The following CCDC73 variants were observed in gnomAD, a reference collection of about 807,000 sequenced individuals.
The protein encoded by CCDC73 is coiled-coil domain containing 73, also known as coiled-coil domain-containing protein 73.
Under a neutral mutation model 116.5 loss-of-function variants are expected in CCDC73, and 95 were observed. That is an observed-to-expected ratio of 0.82 (90% confidence interval 0.69 to 0.97). The LOEUF is 0.97. Among genes scored for constraint, CCDC73 ranks in the 50% least tolerant of loss-of-function variants. CCDC73 has a pLI of 0.00. For synonymous variants in CCDC73, 398 were observed against 401.3 expected (o/e 0.99, Z 0.10); for missense variants, 1,066 against 1,206.8 (o/e 0.88, Z 1.73).
intron 1 of CCDC73, among the ~76,000 whole-genome samples, chr11:32,778,286 G>A (rs1173233016): frequency 1.3e-5 from 2 of 152,140 alleles, no homozygotes; most frequent in Non-Finnish European, 2.9e-5. Context: ...AATTACTAAA[G>A]TGTGACAATC....
intron 3 of CCDC73, among the ~76,000 whole-genome samples, chr11:32,714,604 C>A (rs1242410384): frequency 6.6e-6 from 1 of 152,092 alleles, no homozygotes; most frequent in Non-Finnish European, 1.5e-5. Context: ...TCATGTCTCC[C>A]AGATGAACAG....
At chr11:32,815,010 G>A in the CCDC73 span, among the ~76,000 whole-genome samples, 1 of 152,194 alleles carries the variant, frequency 6.6e-6, no homozygotes, top group Non-Finnish European at 1.5e-5. Flanking sequence ...GATTAAAGTA[G>A]TTAATAGGGA....
intron 1 of CCDC73, among the ~76,000 whole-genome samples, chr11:32,763,715 C>T (rs11031969): frequency 0.27 from 41,207 of 152,196 alleles, 6,464 homozygotes; most frequent in East Asian, 0.79. Context: ...ACCTCTCCCC[C>T]TCCAACGGAA....
chr11:32,829,440 G>A, the CCDC73 span, among the ~76,000 whole-genome samples: 1 of 152,222 alleles, frequency 6.6e-6, no homozygotes. Context: ...CCCAGACCTG[G>A]CGGACCACCA....
chr11:32,718,210 C>A, intron 2 of CCDC73, 63 bp from the exon 3 acceptor site: 1 of 1,128,642 alleles, frequency 8.9e-7, no homozygotes, highest in Non-Finnish European at 1.3e-6. Flanking sequence ...CCAGTTTCAG[C>A]TCTTTCTGGA....
At chr11:32,671,488 G>C (rs546373585) in intron 9 of CCDC73, among the ~76,000 whole-genome samples, 1 of 151,564 alleles carries the variant, frequency 6.6e-6, no homozygotes, top group Admixed American at 6.6e-5. Flanking sequence ...AATAAAAATG[G>C]AAATTGTCTT....
chr11:32,794,957 C>G (rs1850711262), upstream of CCDC73, among the ~76,000 whole-genome samples: 2 of 151,602 alleles, frequency 1.3e-5, no homozygotes, highest in African/African-American at 2.4e-5. Context: ...CTCCACCTCC[C>G]AGGTTTATGC....
At position 32,725,277 on chromosome 11, in the gene CCDC73, A is replaced by C. The variant is rs115537837; in HGVS notation, c.136-7130T>G. On this transcript the variant is annotated intron_variant, in intron 2 of 17. Transcript: ENST00000335185. ...ACCATATTTCCATAATTTTTATTAT[A>C]GTATATTGCTATAATTGTTCTATTT... 7.1e-3 allele frequency among the ~76,000 whole-genome samples: 1,088 copies of C among 152,286 alleles called. 17 individuals carry two copies. The highest frequency in any genetic ancestry group is 0.025 in the African/African-American group (1,049 of 41,572).
At chr11:32,764,612 A>C (rs1436363450) in intron 1 of CCDC73, among the ~76,000 whole-genome samples, 2 of 152,224 alleles carry the variant, frequency 1.3e-5, no homozygotes, top group Admixed American at 6.5e-5. Flanking sequence ...TCCTGAACGA[A>C]GCACTAAACA....
intron 1 of CCDC73, among the ~76,000 whole-genome samples, chr11:32,781,394 C>T (rs1195116671): frequency 6.6e-6 from 1 of 152,180 alleles, no homozygotes; most frequent in East Asian, 1.9e-4. Context: ...ATCTTTATTG[C>T]ACCTGAGAAA....
intron 9 of CCDC73, among the ~76,000 whole-genome samples, chr11:32,661,396 A>AC (rs763730200): frequency 3.8e-4 from 58 of 151,724 alleles, no homozygotes; most frequent in Non-Finnish European, 7.8e-4. Flanking sequence ...GGTTTCCCGC[A>AC]CCCATTAACT....
intron 6 of CCDC73, among the ~76,000 whole-genome samples, chr11:32,685,998 G>T (rs1856195893): frequency 6.6e-6 from 1 of 151,804 alleles, no homozygotes; most frequent in Non-Finnish European, 1.5e-5. Flanking sequence ...GGGATTAGAG[G>T]CGTGAGCCAC....
chr11:32,709,198 A>G (rs1849879033), intron 3 of CCDC73, among the ~76,000 whole-genome samples: 2 of 152,246 alleles, frequency 1.3e-5, no homozygotes, highest in African/African-American at 4.8e-5. Context: ...TACATGATAT[A>G]TGACATTTAT....
intron 1 of CCDC73, among the ~76,000 whole-genome samples, chr11:32,790,640 T>C (rs1278851669): frequency 6.6e-6 from 1 of 151,506 alleles, no homozygotes; most frequent in Non-Finnish European, 1.5e-5. Flanking sequence ...CTGTTCATAC[T>C]AAAATCTTTA....
chr11:32,617,909 G>A (rs894687983), intron 14 of CCDC73, among the ~76,000 whole-genome samples: 2 of 152,038 alleles, frequency 1.3e-5, no homozygotes, highest in Non-Finnish European at 2.9e-5. Flanking sequence ...TTAGATTAAG[G>A]GTATACATGT....
In CCDC73 at chr11:32,613,855, G is replaced by A. The variant is rs778396782; in HGVS notation, c.2463C>T (p.Ala821=). Residue 821 remains alanine, a synonymous_variant, in exon 16 of 18, where the codon GCC becomes GCT. Transcript: ENST00000335185. Reference sequence around the variant, plus strand: ...CAAAAAGGAAGAGGTCATTTTTTGTGGCTTCAGTTACCTGATTCTCATCAA... The same window carrying A: ...CAAAAAGGAAGAGGTCATTTTTTGTAGCTTCAGTTACCTGATTCTCATCAA... ...NQIDENQVTE[A]TKNDLFLFVS... 2 of 1,613,298 alleles carry A rather than the reference G, an allele frequency of 1.2e-6. No homozygotes were observed.
intron 14 of CCDC73, among the ~76,000 whole-genome samples, chr11:32,631,724 C>T (rs1855633192): frequency 6.6e-6 from 1 of 152,076 alleles, no homozygotes. Flanking sequence ...GTGGTGTGCA[C>T]CCATAGTCAG....
intron 2 of CCDC73, among the ~76,000 whole-genome samples, chr11:32,737,713 G>C (rs2133353254): frequency 6.6e-6 from 1 of 151,540 alleles, no homozygotes; most frequent in South Asian, 2.1e-4. Flanking sequence ...AATACTCTCA[G>C]TTATCTTTAA....
At chr11:32,785,882 C>G (rs1466896100) in intron 1 of CCDC73, among the ~76,000 whole-genome samples, 2 of 152,076 alleles carry the variant, frequency 1.3e-5, no homozygotes, top group Non-Finnish European at 2.9e-5. Context: ...GTTTCCTCAT[C>G]TATTAATACC....
Sources: gnomAD v4.1 joint callset for allele counts (sites outside exome capture counted in the v4.1 genomes callset) on GRCh38, gnomAD v4.1.1 for gene constraint, MANE v1.5 for transcripts, NCBI Gene and HGNC (gene_info 2026-07-23, HGNC 2026-07-21) for gene names.